TRIM60: variants seen among roughly 807,000 people sequenced by gnomAD.
TRIM60 encodes tripartite motif containing 60.
For synonymous variants in TRIM60, 189 were observed against 195.2 expected, an observed-to-expected ratio of 0.97 and a Z score of 0.27; for missense variants, 524 against 540.8, an observed-to-expected ratio of 0.97 and a Z score of 0.31.
At chr4:165,033,872 C>A (rs1733561311) in intron 1 of TRIM60, among the ~76,000 whole-genome samples, 1 of 152,090 alleles carries the variant, frequency 6.6e-6, no homozygotes, top group Admixed American at 6.6e-5. Flanking sequence ...TGAAACACAC[C>A]CAGGTTTGCT....
chr4:165,038,511 A>C (rs2111214075), intron 1 of TRIM60, among the ~76,000 whole-genome samples: 1 of 151,880 alleles, frequency 6.6e-6, no homozygotes, highest in East Asian at 2.0e-4. Context: ...ATCTCTACAA[A>C]ATATTTTAAA....
chr4:165,034,082 G>A (rs1205246165), intron 1 of TRIM60, among the ~76,000 whole-genome samples: 1 of 152,108 alleles, frequency 6.6e-6, no homozygotes, highest in African/African-American at 2.4e-5. Flanking sequence ...GAGTGTGTGG[G>A]GAAGGACGAA....
rs1733730658 is a variant in TRIM60, at chr4:165,040,464, G to T, written c.392G>T (p.Cys131Phe). 6.2e-7 allele frequency: 1 copy of T among 1,614,060 alleles called. No individual in the cohort carries two copies. Among genetic ancestry groups the T allele is most frequent in the African/African-American group, 1.3e-5 (1 of 74,942 alleles). The change falls in exon 3 of 3, where the codon TGC (cysteine) becomes TTC (phenylalanine). Residue 131 changes from cysteine to phenylalanine, a missense_variant. Transcript: ENST00000512596. ...FSTKHQKHYI[C>F]PIKKAASYHR... is the part of the protein sequence containing the mutation. ...ACTAAACACCAGAAGCACTACATTTGCCCTATTAAGAAAGCTGCCTCTTAT... is the reference window on the plus strand; with the variant it reads ...ACTAAACACCAGAAGCACTACATTTTCCCTATTAAGAAAGCTGCCTCTTAT...
chr4:165,038,243 G>A (rs764108116), intron 1 of TRIM60, among the ~76,000 whole-genome samples: 81 of 152,134 alleles, frequency 5.3e-4, no homozygotes, highest in Non-Finnish European at 1.1e-3. Context: ...AGGAAATTCA[G>A]GAAGCCTAAC....
chr4:165,036,023 A>G (rs1441217438), intron 1 of TRIM60, among the ~76,000 whole-genome samples: 1 of 152,152 alleles, frequency 6.6e-6, no homozygotes, highest in African/African-American at 2.4e-5. Flanking sequence ...CACCCGACCA[A>G]TAGTGAGCCC....
intron 1 of TRIM60, among the ~76,000 whole-genome samples, chr4:165,034,255 C>A (rs1733570432): frequency 1.3e-5 from 2 of 151,808 alleles, no homozygotes; most frequent in Admixed American, 6.6e-5. Context: ...TGGGTTCAAG[C>A]AATTCTCCTG....
intron 1 of TRIM60, among the ~76,000 whole-genome samples, chr4:165,038,452 G>A (rs1733672430): frequency 6.6e-6 from 1 of 151,806 alleles, no homozygotes; most frequent in Non-Finnish European, 1.5e-5. Context: ...ACTTTGGGAG[G>A]CCAAGGTGGG....
chr4:165,036,835 C>A (rs369865456), intron 1 of TRIM60, among the ~76,000 whole-genome samples: 1 of 143,410 alleles, frequency 7.0e-6, no homozygotes, highest in Non-Finnish European at 1.5e-5. Context: ...GAGCCGAGAT[C>A]GTGCCATCGC....
rs1244217284 is a variant in TRIM60 at position 165,040,701 on chromosome 4, T to A, written c.629T>A (p.Met210Lys). 1 of 1,613,882 alleles carries A rather than the reference T, an allele frequency of 6.2e-7. No homozygotes were observed. The highest frequency in any genetic ancestry group is 1.7e-5 in the Admixed American group (1 of 59,958). ...MILRQIQDEEMNILAKLNENL... is the reference protein window; with the variant it reads ...MILRQIQDEEKNILAKLNENL... ...CTTAGGCAGATACAAGATGAAGAGA[T>A]GAACATTTTAGCAAAACTAAATGAA... is the stretch of plus-strand genomic sequence containing the variant. Residue 210 changes from methionine (M) to lysine (K), a missense_variant, in exon 3 of 3, where the codon ATG (methionine) becomes AAG (lysine). Transcript: ENST00000512596.
chr4:165,040,762 A>C lies in TRIM60; in HGVS notation c.690A>C (p.Leu230Phe). The change falls in exon 3 of 3, where the codon TTA becomes TTC. Residue 230 changes from leucine to phenylalanine, a missense_variant. Leu to Phe is a conservative substitution (Grantham distance 22, BLOSUM62 0). Coordinates refer to ENST00000512596, the MANE Select transcript of TRIM60 (RefSeq NM_152620.3). ...AACTTTCAGATTATGTTTCCACATT[A>C]AAACATCTACTGAGGGAGGTAGAGG... ...LVELSDYVST[L>F]KHLLREVEGK... 1.2e-6 allele frequency: 2 copies of C among 1,614,162 alleles called. No individual in the cohort carries two copies. Among genetic ancestry groups the C allele is most frequent in the South Asian group, 2.2e-5 (2 of 91,078 alleles).
At chr4:165,035,382 T>G (rs990675318) in intron 1 of TRIM60, among the ~76,000 whole-genome samples, 27 of 152,124 alleles carry the variant, frequency 1.8e-4, no homozygotes, top group African/African-American at 6.5e-4. Context: ...TGGTTTATTA[T>G]AGTGAAAGGA....
Position 165,040,418 on chromosome 4 carries a change from T to C in TRIM60, c.346T>C (p.Cys116Arg), listed in dbSNP as rs145566562. The C allele has an allele frequency of 5.0e-6, 8 of 1,614,200 alleles. No homozygotes were observed. Among genetic ancestry groups the C allele is most frequent in the Admixed American group, 1.7e-5 (1 of 60,030 alleles). Residue 116 changes from cysteine to arginine, a missense_variant, in exon 3 of 3, where the codon TGT becomes CGT. Cys to Arg is a radical substitution (Grantham distance 180). Transcript: ENST00000512596. ...CTGTGTTAAAGATCTAGAGATCTTA[T>C]GTACACAGTGCAGTTTCTCCACTAA... The part of the protein sequence containing the change: ...LFCVKDLEIL[C>R]TQCSFSTKHQ...
chr4:165,036,174 C>G (rs1226413029), intron 1 of TRIM60, among the ~76,000 whole-genome samples: 1 of 152,236 alleles, frequency 6.6e-6, no homozygotes, highest in East Asian at 1.9e-4. Flanking sequence ...TGTGCTCATT[C>G]TTCCGCACAA....
intron 1 of TRIM60, among the ~76,000 whole-genome samples, chr4:165,036,430 T>TA (rs1319312991): frequency 1.3e-5 from 2 of 152,304 alleles, no homozygotes; most frequent in East Asian, 3.9e-4. Flanking sequence ...TTTTTAAGTT[T>TA]AAAAAATCTT....
chr4:165,032,665 G>A (rs764317081), intron 1 of TRIM60, among the ~76,000 whole-genome samples: 6 of 152,188 alleles, frequency 3.9e-5, no homozygotes, highest in Admixed American at 6.5e-5. Context: ...TATGGTGGGA[G>A]CGTTAAGGAA....
intron 1 of TRIM60, among the ~76,000 whole-genome samples, chr4:165,036,995 G>C (rs949275532): frequency 2.0e-5 from 3 of 152,026 alleles, no homozygotes; most frequent in Admixed American, 2.0e-4. Flanking sequence ...CTGAGGTCAG[G>C]AGTTCGAGAC....
Position 165,041,074 on chromosome 4 carries a change from T to A in TRIM60, c.1002T>A (p.Tyr334Ter), listed in dbSNP as rs768397321. 3 of 1,614,248 alleles carry A rather than the reference T, an allele frequency of 1.9e-6. No individual in the cohort carries two copies. In the East Asian group the frequency reaches 6.7e-5, roughly 36 times the overall value. Residue 334 changes from tyrosine to a stop codon, truncating the protein, a stop_gained, in exon 3 of 3, where the codon TAT (tyrosine) becomes TAA (stop). Coordinates refer to ENST00000512596, the MANE Select transcript of TRIM60 (RefSeq NM_152620.3). LOFTEE classifies it low-confidence loss of function (END_TRUNC). The part of the protein sequence containing the change: ...RNICYDPRRF[Y>*]VCPAVLGSQR... ...TTTGTTATGACCCAAGGAGATTTTA[T>A]GTCTGCCCTGCTGTCCTAGGCTCTC... is the stretch of plus-strand genomic sequence containing the variant.
At position 165,040,743 on chromosome 4, in the gene TRIM60, C is replaced by T; in HGVS notation, c.671C>T (p.Ser224Leu). 6.2e-7 allele frequency: 1 copy of T among 1,614,070 alleles called. No individual in the cohort carries two copies. The highest frequency in any genetic ancestry group is 1.3e-5 in the African/African-American group (1 of 75,046). The change falls in exon 3 of 3, where the codon TCA (serine) becomes TTA (leucine). Residue 224 changes from serine (S) to leucine (L), a missense_variant. By Grantham distance (145) the Ser-to-Leu change is moderately radical. Coordinates refer to ENST00000512596, the MANE Select transcript of TRIM60 (RefSeq NM_152620.3). ...CTAAATGAAAACCTTGTAGAACTTT[C>T]AGATTATGTTTCCACATTAAAACAT... ...AKLNENLVEL[S>L]DYVSTLKHLL...
intron 2 of TRIM60, among the ~76,000 whole-genome samples, chr4:165,039,783 C>T (rs938612676): frequency 8.1e-6 from 1 of 123,634 alleles, no homozygotes; most frequent in African/African-American, 3.4e-5. Context: ...CCGGCCTGGG[C>T]GACAGAGCGA....
Sources: gnomAD v4.1 joint callset for allele counts (sites outside exome capture counted in the v4.1 genomes callset) on GRCh38, gnomAD v4.1.1 for gene constraint, MANE v1.5 for transcripts, NCBI Gene and HGNC (gene_info 2026-07-23, HGNC 2026-07-21) for gene names.